The following CYP4X1 variants were observed in gnomAD, a reference collection of about 807,000 sequenced individuals.
CYP4X1 encodes the protein cytochrome P450 family 4 subfamily X member 1, also known as cytochrome P450 4X1.
In CYP4X1, 44 loss-of-function variants were observed where a neutral mutation model predicts 57.9. The observed-to-expected ratio is 0.76, with a 90% confidence interval of 0.60 to 0.98. CYP4X1 has a LOEUF of 0.98. CYP4X1 is among the 50% of genes least tolerant of loss of function. The pLI, the probability that CYP4X1 is intolerant of heterozygous loss-of-function variation, is 0.00. For synonymous variants in CYP4X1, 227 were observed against 228.6 expected (o/e 0.99, Z 0.06); for missense variants, 532 against 623.9 (o/e 0.85, Z 1.57).
the CYP4X1 span, among the ~76,000 whole-genome samples, chr1:46,996,816 T>C: frequency 1.3e-5 from 2 of 151,990 alleles, 1 homozygote; most frequent in African/African-American, 4.8e-5. Context: ...TACCTGCTGA[T>C]TGGACAAACG....
chr1:47,033,391 C>T (rs1177190760), intron 4 of CYP4X1, 23 bp downstream of exon 4: 1 of 1,612,692 alleles, frequency 6.2e-7, no homozygotes, highest in African/African-American at 1.3e-5. Context: ...GGAAAGTGCT[C>T]TGTGCATTGC....
chr1:47,038,945 G>T (rs913223585), intron 7 of CYP4X1, among the ~76,000 whole-genome samples, 179 bp downstream of exon 7: 1 of 152,132 alleles, frequency 6.6e-6, no homozygotes, highest in African/African-American at 2.4e-5. Context: ...CAACTGTGTC[G>T]CTAGAGGAGG....
At chr1:47,046,919 A>C (rs185475836) in intron 9 of CYP4X1, among the ~76,000 whole-genome samples, 8 of 152,330 alleles carry the variant, frequency 5.3e-5, no homozygotes, top group Admixed American at 5.2e-4. Context: ...TTTGAGACCG[A>C]GCTGAAACTT....
chr1:46,968,960 C>G, the CYP4X1 span, among the ~76,000 whole-genome samples: 2 of 152,092 alleles, frequency 1.3e-5, no homozygotes, highest in Non-Finnish European at 2.9e-5. Context: ...GTTCTGAGCT[C>G]GAATTTGTGC....
chr1:46,970,109 G>A, the CYP4X1 span, among the ~76,000 whole-genome samples: 4 of 152,144 alleles, frequency 2.6e-5, no homozygotes, highest in Non-Finnish European at 5.9e-5. Context: ...GTCAAAAGGT[G>A]GTGTGCTGCA....
the CYP4X1 span, among the ~76,000 whole-genome samples, chr1:47,012,638 C>G: frequency 6.6e-6 from 1 of 152,068 alleles, no homozygotes; most frequent in East Asian, 1.9e-4. Context: ...TGAAGTAATA[C>G]ACATGCCAGT....
chr1:46,964,233 T>G, the CYP4X1 span, among the ~76,000 whole-genome samples: 8 of 152,224 alleles, frequency 5.3e-5, no homozygotes, highest in Non-Finnish European at 1.0e-4. Context: ...TGAAGCCTTC[T>G]CTCAATGCAT....
chr1:47,013,192 A>G, the CYP4X1 span, among the ~76,000 whole-genome samples: 2 of 152,194 alleles, frequency 1.3e-5, no homozygotes, highest in Non-Finnish European at 2.9e-5. Context: ...AGCAGCCCCA[A>G]GAGCTGCTGG....
the CYP4X1 span, among the ~76,000 whole-genome samples, chr1:47,012,503 C>T: frequency 2.6e-5 from 4 of 151,798 alleles, no homozygotes; most frequent in Admixed American, 1.3e-4. Flanking sequence ...CACATGTATA[C>T]GTACGTAACA....
intron 9 of CYP4X1, among the ~76,000 whole-genome samples, chr1:47,047,141 G>A (rs1644311778): frequency 6.6e-6 from 1 of 152,030 alleles, no homozygotes; most frequent in Non-Finnish European, 1.5e-5. Flanking sequence ...CTTTCAATGT[G>A]GCCCAAAATC....
the CYP4X1 span, chr1:46,967,818 G>T: frequency 1.5e-6 from 2 of 1,331,492 alleles, no homozygotes; most frequent in Non-Finnish European, 9.9e-7. Context: ...GCAGGGTCAG[G>T]GCCATGGCCA....
At chr1:46,971,770 G>GTT in the CYP4X1 span, among the ~76,000 whole-genome samples, 2 of 151,732 alleles carry the variant, frequency 1.3e-5, no homozygotes, top group African/African-American at 4.8e-5. Context: ...AATGGGGTTG[G>GTT]TTTTTTTGTT....
In CYP4X1 at chr1:47,050,400, A is replaced by T; in HGVS notation, c.*226A>T. 2.1e-6 allele frequency: 1 copy of T among 480,992 alleles called. No homozygotes were observed. Among genetic ancestry groups the T allele is most frequent in the Non-Finnish European group, 3.8e-6 (1 of 266,442 alleles). 29.8% of individuals were successfully genotyped at this position (480,992 alleles called of 1,614,324 possible). ...TTCAGATCTTTTCTGTTAAACTTTC[A>T]CTACTATTAATGCTGTATACACCAA... is the stretch of plus-strand genomic sequence containing the variant. On this transcript the variant is annotated 3_prime_UTR_variant, in exon 12 of 12. Transcript: ENST00000371901.
In CYP4X1 at chr1:47,036,163, A is replaced by G. The variant is rs1644179251; in HGVS notation, c.767A>G (p.Gln256Arg). ...RFQKLSRVLN[Q>R]YTDTIIQERK... is the part of the protein sequence containing the mutation. ...CAGAAGTTAAGCCGAGTGTTGAATC[A>G]GTACACAGGTATTTGTTGGGTTTGG... The change falls in exon 6 of 12, where the codon CAG becomes CGG. Residue 256 changes from glutamine (Q) to arginine (R), a missense_variant. By Grantham distance (43) the Gln-to-Arg change is conservative (BLOSUM62 1). Transcript: ENST00000371901. 2 of 1,609,690 alleles carry G rather than the reference A, an allele frequency of 1.2e-6. No homozygotes were observed. Among genetic ancestry groups the G allele is most frequent in the Non-Finnish European group, 1.7e-6 (2 of 1,176,942 alleles).
the CYP4X1 span, among the ~76,000 whole-genome samples, chr1:46,983,589 C>G: frequency 2.6e-5 from 4 of 152,164 alleles, no homozygotes; most frequent in Non-Finnish European, 5.9e-5. Context: ...AGACCCAGGT[C>G]GGGAAAACCT....
chr1:47,017,191 T>C, the CYP4X1 span, among the ~76,000 whole-genome samples: 1 of 152,242 alleles, frequency 6.6e-6, no homozygotes, highest in African/African-American at 2.4e-5. Flanking sequence ...TTTGATATAC[T>C]GATTTCCTTT....
chr1:46,986,194 A>G, the CYP4X1 span, among the ~76,000 whole-genome samples: 2 of 152,246 alleles, frequency 1.3e-5, no homozygotes, highest in African/African-American at 4.8e-5. Context: ...GATGGAGCTG[A>G]AAAACAGCAA....
At chr1:47,040,387 T>C (rs1337448708) in intron 8 of CYP4X1, among the ~76,000 whole-genome samples, 1 of 152,162 alleles carries the variant, frequency 6.6e-6, no homozygotes, top group East Asian at 1.9e-4. Context: ...AATGTGTTCC[T>C]GACATAATCT....
intron 9 of CYP4X1, among the ~76,000 whole-genome samples, chr1:47,047,109 G>T (rs1163933060): frequency 6.6e-6 from 1 of 152,132 alleles, no homozygotes; most frequent in Non-Finnish European, 1.5e-5. Flanking sequence ...ATGATTTACA[G>T]TTCACTGAAC....
Sources: allele counts gnomAD v4.1 joint callset (sites outside exome capture counted in the v4.1 genomes callset), GRCh38; gene constraint gnomAD v4.1.1; transcripts MANE v1.5; gene names NCBI Gene and HGNC (gene_info 2026-07-23, HGNC 2026-07-21).